Variants in PLS1 observed in about 807,000 individuals in gnomAD.
PLS1 encodes the protein plastin 1, also known as plastin-1.
In PLS1, 32 loss-of-function variants were observed where a neutral mutation model predicts 73.7. That is an observed-to-expected ratio of 0.43 (90% CI 0.33 to 0.58). The LOEUF is 0.58. Ranked by LOEUF, PLS1 falls within the 20% of genes least tolerant of loss-of-function variation. PLS1 has a pLI of 0.04. For missense variants in PLS1, 633 were observed against 740.5 expected (o/e 0.85, Z 1.68); for synonymous variants, 217 against 261.3 (o/e 0.83, Z 1.63).
At chr3:142,681,557 A>G (rs1404981385) in intron 6 of PLS1, among the ~76,000 whole-genome samples, 1 of 152,228 alleles carries the variant, frequency 6.6e-6, no homozygotes, top group African/African-American at 2.4e-5. Flanking sequence ...AAGCCTAACC[A>G]TGTACCACTG....
chr3:142,669,953 G>A (rs1213052901), intron 3 of PLS1, among the ~76,000 whole-genome samples: 2 of 152,190 alleles, frequency 1.3e-5, no homozygotes, highest in Non-Finnish European at 2.9e-5. Flanking sequence ...GGCACTGTGA[G>A]TAATGTGATG....
intron 6 of PLS1, among the ~76,000 whole-genome samples, chr3:142,679,743 A>C (rs1193770749): frequency 6.6e-6 from 1 of 152,036 alleles, no homozygotes; most frequent in Non-Finnish European, 1.5e-5. Flanking sequence ...CTTAGGATTG[A>C]CTTGGCAATG....
chr3:142,634,091 A>G (rs2036625062), intron 1 of PLS1, among the ~76,000 whole-genome samples: 1 of 152,250 alleles, frequency 6.6e-6, no homozygotes, highest in African/African-American at 2.4e-5. Flanking sequence ...AGAAAAGATT[A>G]GAGACCTCGG....
chr3:142,622,112 T>G (rs978563907), intron 1 of PLS1, among the ~76,000 whole-genome samples: 1 of 137,668 alleles, frequency 7.3e-6, no homozygotes. Context: ...TTTCCTTACA[T>G]TCGTGCAGAA....
chr3:142,684,715 A>G (rs990998801), intron 8 of PLS1, among the ~76,000 whole-genome samples: 1 of 152,188 alleles, frequency 6.6e-6, no homozygotes, highest in Non-Finnish European at 1.5e-5. Context: ...CAGTCTGTTC[A>G]TTTGGACTAA....
At chr3:142,631,330 A>G (rs2036556326) in intron 1 of PLS1, among the ~76,000 whole-genome samples, 1 of 152,140 alleles carries the variant, frequency 6.6e-6, no homozygotes, top group Non-Finnish European at 1.5e-5. Context: ...TCTGGCCAAC[A>G]TGGTGAAACC....
intron 1 of PLS1, among the ~76,000 whole-genome samples, chr3:142,650,672 TCAG>T (rs1249064125): frequency 6.6e-6 from 1 of 152,116 alleles, no homozygotes; most frequent in African/African-American, 2.4e-5. Flanking sequence ...AGGGGGAACA[TCAG>T]AACTAAAGTT....
intron 4 of PLS1, chr3:142,673,730 G>C (rs916362175): frequency 7.2e-6 from 1 of 137,998 alleles, no homozygotes; most frequent in Non-Finnish European, 1.6e-5. Flanking sequence ...CCGAAGCTGC[G>C]TGCTCGGTTG....
At position 142,712,823 on chromosome 3, in the gene PLS1, A is replaced by G. The variant is rs983411137; in HGVS notation, c.*816A>G. On this transcript the variant is annotated 3_prime_UTR_variant, in exon 16 of 16. Coordinates refer to ENST00000457734, the MANE Select transcript of PLS1 (RefSeq NM_001145319.2). ...ACCATCAGTATTTTCCCCCCACAAC[A>G]TGTGTAACACTTTTCAGTCTGTGGA... 3 of 152,514 alleles carry G rather than the reference A, an allele frequency of 2.0e-5. No homozygotes were observed. The highest frequency in any genetic ancestry group is 6.5e-5 in the Admixed American group (1 of 15,276). 9.4% of individuals were successfully genotyped at this position (152,514 alleles called of 1,614,324 possible).
intron 1 of PLS1, among the ~76,000 whole-genome samples, chr3:142,633,836 A>C (rs1185142926): frequency 6.6e-6 from 1 of 152,208 alleles, no homozygotes; most frequent in Non-Finnish European, 1.5e-5. Context: ...AAGCAGGAAA[A>C]TATTACCCAT....
rs1381961049 is a variant in PLS1, at chr3:142,712,985, A to G, written c.*978A>G. The G allele has an allele frequency of 2.0e-5, 3 of 152,624 alleles. No homozygotes were observed. Among genetic ancestry groups the G allele is most frequent in the Non-Finnish European group, 4.4e-5 (3 of 68,008 alleles). 9.5% of individuals were successfully genotyped at this position (152,624 alleles called of 1,614,324 possible). On this transcript the variant is annotated 3_prime_UTR_variant, in exon 16 of 16. Coordinates refer to ENST00000457734, the MANE Select transcript of PLS1 (RefSeq NM_001145319.2). Reference sequence around the variant, plus strand: ...ATGCTGACACTGTCCTGTTAGCTTCATATTATACTTGCTAGTTTAGGTCTC... The same window carrying G: ...ATGCTGACACTGTCCTGTTAGCTTCGTATTATACTTGCTAGTTTAGGTCTC...
intron 1 of PLS1, among the ~76,000 whole-genome samples, chr3:142,606,281 G>GT (rs757915496): frequency 2.8e-4 from 43 of 151,612 alleles, no homozygotes; most frequent in East Asian, 5.8e-4. Flanking sequence ...TTTATGCACA[G>GT]TTTTTTTTTG....
intron 1 of PLS1, among the ~76,000 whole-genome samples, chr3:142,616,794 G>T (rs1329850616): frequency 6.6e-6 from 1 of 152,090 alleles, no homozygotes; most frequent in African/African-American, 2.4e-5. Flanking sequence ...TAGAGATGGG[G>T]TTTCACCATG....
chr3:142,601,653 C>T lies in PLS1; in HGVS notation c.-37+5144C>T, dbSNP rs529992860. 1.1e-4 allele frequency among the ~76,000 whole-genome samples: 16 copies of T among 152,220 alleles called. No individual in the cohort carries two copies. In the South Asian group the frequency reaches 3.3e-3, roughly 32 times the overall value. On this transcript the variant is annotated intron_variant, in intron 1 of 15. Coordinates refer to ENST00000457734, the MANE Select transcript of PLS1 (RefSeq NM_001145319.2). ...CAAGCAGTCCTCCCGCCTCAGCCTC[C>T]CAGGTGTGGACCAACGTGCCCGGCT...
intron 4 of PLS1, among the ~76,000 whole-genome samples, chr3:142,672,303 G>C (rs1049371521): frequency 1.3e-5 from 2 of 149,982 alleles, no homozygotes; most frequent in Non-Finnish European, 3.0e-5. Context: ...TATTTTTTGA[G>C]GTATAAGATA....
intron 4 of PLS1, chr3:142,673,625 A>G (rs2037655795): frequency 6.6e-6 from 1 of 152,050 alleles, no homozygotes; most frequent in Non-Finnish European, 1.5e-5. Context: ...TGGCTGCGAC[A>G]TCTGTCACCC....
intron 6 of PLS1, among the ~76,000 whole-genome samples, chr3:142,681,555 C>T (rs2037857521): frequency 1.3e-5 from 2 of 152,202 alleles, no homozygotes; most frequent in South Asian, 4.1e-4. Context: ...CCAAGCCTAA[C>T]CATGTACCAC....
intron 1 of PLS1, 146 bp from the exon 2 acceptor site, chr3:142,664,056 A>AC: frequency 2.6e-6 from 1 of 384,956 alleles, no homozygotes; most frequent in Non-Finnish European, 4.7e-6. Flanking sequence ...AGAGATTGTT[A>AC]CCAGGGGACC....
intron 6 of PLS1, among the ~76,000 whole-genome samples, chr3:142,678,601 C>G (rs1488993790): frequency 1.3e-5 from 2 of 151,420 alleles, no homozygotes; most frequent in Non-Finnish European, 2.9e-5. Context: ...AGGACATGAA[C>G]TCATCATTTT....
Sources: allele counts gnomAD v4.1 joint callset (sites outside exome capture counted in the v4.1 genomes callset), GRCh38; gene constraint gnomAD v4.1.1; transcripts MANE v1.5; gene names NCBI Gene and HGNC (gene_info 2026-07-23, HGNC 2026-07-21).